The following BTG1 variants were observed in gnomAD, a reference collection of about 807,000 sequenced individuals.
BTG1 encodes protein BTG1.
In BTG1, 2 loss-of-function variants were observed where a neutral mutation model predicts 15.2. The observed-to-expected ratio is 0.13, with a 90% CI of 0.05 to 0.41. BTG1 has a LOEUF of 0.41. BTG1 is among the 10% of genes least tolerant of loss of function. BTG1 has a pLI of 0.99. For missense variants in BTG1, 149 were observed against 215.0 expected, an observed-to-expected ratio of 0.69 and a Z score of 1.92; for synonymous variants, 109 against 82.4, an observed-to-expected ratio of 1.32 and a Z score of -1.75.
chr12:92,144,471 G>C, intron 1 of BTG1, 24 bp from the exon 2 acceptor site: 1 of 1,609,100 alleles, frequency 6.2e-7, no homozygotes, highest in Non-Finnish European at 8.5e-7. Context: ...GAAGAACAGA[G>C]AAACAACGCT....
In BTG1 at chr12:92,140,285, A is replaced by G. The variant is rs1161606873; in HGVS notation, c.*3795T>C. ...ATAAATAACAGTCAGAAGTTGAACT[A>G]CATTTTTTTATTCCTATCTTGGACA... On this transcript the variant is annotated 3_prime_UTR_variant, in exon 2 of 2. Transcript: ENST00000256015. 5.2e-6 allele frequency: 1 copy of G among 192,868 alleles called. No individual in the cohort carries two copies. Among genetic ancestry groups the G allele is most frequent in the South Asian group, 1.9e-4 (1 of 5,176 alleles). 11.9% of individuals were successfully genotyped at this position (192,868 alleles called of 1,614,324 possible). A position where few individuals can be genotyped will look rare whatever the true frequency, so the allele number is the denominator to read the frequency against.
chr12:92,145,343 A>G, intron 1 of BTG1, 45 bp downstream of exon 1: 1 of 1,486,120 alleles, frequency 6.7e-7, no homozygotes, highest in Non-Finnish European at 9.0e-7. Flanking sequence ...ACTCTGACCC[A>G]GGGATGTGGG....
In BTG1 at chr12:92,141,048, T is replaced by C. The variant is rs972646556; in HGVS notation, c.*3032A>G. 5.2e-5 allele frequency: 12 copies of C among 232,708 alleles called. 1 individual carries two copies. In the Admixed American group the frequency reaches 5.6e-4, roughly 11 times the overall value. 14.4% of individuals were successfully genotyped at this position (232,708 alleles called of 1,614,324 possible). On this transcript the variant is annotated 3_prime_UTR_variant, in exon 2 of 2. Transcript: ENST00000256015. ...AAAAGTCACGCAGGGAGAAGTCCAA[T>C]AGTAGATTTATTTGCTCCCAAGATT...
rs1402964173 is a variant in BTG1 at position 92,145,712 on chromosome 12, C to T, written c.-177G>A. 1.1e-5 allele frequency: 4 copies of T among 353,178 alleles called. No individual in the cohort carries two copies. The highest frequency in any genetic ancestry group is 6.4e-5 in the African/African-American group (3 of 47,016). The allele number at this position is 353,178 out of a possible 1,614,324, so 21.9% of individuals were successfully genotyped here. A position where few individuals can be genotyped will look rare whatever the true frequency, so the allele number is the denominator to read the frequency against. On this transcript the variant is annotated 5_prime_UTR_variant, in exon 1 of 2. Transcript: ENST00000256015. ...TAGACTAAAAAAGTTATTTTCGAGACAGGAGGCGGCAGGAGAGAGGAAGAG... is the reference window on the plus strand; with the variant it reads ...TAGACTAAAAAAGTTATTTTCGAGATAGGAGGCGGCAGGAGAGAGGAAGAG...
In BTG1 at chr12:92,144,102, T is replaced by C. The variant is rs757853602; in HGVS notation, c.494A>G (p.Asn165Ser). The change falls in exon 2 of 2, where the codon AAT (asparagine) becomes AGT (serine). Residue 165 changes from asparagine (N) to serine (S), a missense_variant. By Grantham distance (46) the Asn-to-Ser change is conservative. Around this residue, in one of 3 missense-constraint regions of BTG1, gnomAD observed 52 missense variants for 57.4 expected, o/e 0.91. Transcript: ENST00000256015. ...LGRTSPSKNY[N>S]MMTVSG ...ATCTTAACCTGATACAGTCATCATA[T>C]TGTAGTTTTTGGAAGGGCTCGTTCT... 1.2e-6 allele frequency: 2 copies of C among 1,612,814 alleles called. No homozygotes were observed. The highest frequency in any genetic ancestry group is 1.7e-6 in the Non-Finnish European group (2 of 1,179,896).
At position 92,145,683 on chromosome 12, in the gene BTG1, TC is replaced by T; in HGVS notation, c.-149del. The stretch of plus-strand genomic sequence containing the variant: ...GCGGACGACTACTTTTGTCTTTCTT[TC>T]TTTAGACTAAAAAAGTTATTTTCGA... On this transcript the variant is annotated 5_prime_UTR_variant, in exon 1 of 2. It removes the in-frame stop codon of an upstream open reading frame in the 5' UTR. Transcript: ENST00000256015. The T allele has an allele frequency of 2.1e-6, 1 of 471,560 alleles. No homozygotes were observed. Among genetic ancestry groups the T allele is most frequent in the Non-Finnish European group, 3.4e-6 (1 of 294,632 alleles). 29.2% of individuals were successfully genotyped at this position (471,560 alleles called of 1,614,324 possible). A position where few individuals can be genotyped will look rare whatever the true frequency, so the allele number is the denominator to read the frequency against.
rs908680602 is a variant in BTG1 at position 92,144,408 on chromosome 12, T to C, written c.188A>G (p.Lys63Arg). The change falls in exon 2 of 2, where the codon AAG becomes AGG. Residue 63 changes from lysine to arginine, a missense_variant. Physicochemically the swap from Lys to Arg is conservative, Grantham distance 26. Transcript: ENST00000256015. The stretch of plus-strand genomic sequence containing the variant: ...GCGAATACAACGGTAACCCGATCCC[T>C]TGCATGGCTTTTCTGGGAACCAGTG... ...KHHWFPEKPC[K>R]GSGYRCIRIN... is the part of the protein sequence containing the mutation. 16 of 1,614,156 alleles carry C rather than the reference T, an allele frequency of 9.9e-6. No homozygotes were observed. Among genetic ancestry groups the C allele is most frequent in the Non-Finnish European group, 1.4e-5 (16 of 1,180,016 alleles).
chr12:92,145,772 C>T lies in BTG1; in HGVS notation c.-237G>A. 1 of 285,690 alleles carries T rather than the reference C, an allele frequency of 3.5e-6. No individual in the cohort carries two copies. Among genetic ancestry groups the T allele is most frequent in the Non-Finnish European group, 6.5e-6 (1 of 154,408 alleles). 17.7% of individuals were successfully genotyped at this position (285,690 alleles called of 1,614,324 possible). On this transcript the variant is annotated 5_prime_UTR_variant, in exon 1 of 2. Coordinates refer to ENST00000256015, the MANE Select transcript of BTG1 (RefSeq NM_001731.3). ...GGCGGCCTGGTCACATCGCTCGGAC[C>T]TCCCCAGCTGCCTCCGCCTCCAGCT... is the stretch of plus-strand genomic sequence containing the variant.
intron 1 of BTG1, chr12:92,145,109 C>A: frequency 3.4e-6 from 1 of 292,864 alleles, no homozygotes; most frequent in Admixed American, 5.6e-5. Context: ...GTCCTCGGAC[C>A]GCAGCTCCCG....
In BTG1 at chr12:92,145,491, G is replaced by C; in HGVS notation, c.45C>G (p.Ile15Met). 6.3e-7 allele frequency: 1 copy of C among 1,586,514 alleles called. No individual in the cohort carries two copies. The highest frequency in any genetic ancestry group is 8.6e-7 in the Non-Finnish European group (1 of 1,168,082). ...YTRAATMIGE[I>M]AAAVSFISKF... ...TGGAGATGAAGGACACGGCGGCGGC[G>C]ATCTCGCCTATCATGGTGGCGGCCC... The change falls in exon 1 of 2, where the codon ATC becomes ATG. Residue 15 changes from isoleucine to methionine, a missense_variant. By Grantham distance (10) the Ile-to-Met change is conservative. Transcript: ENST00000256015.
rs1016007451 is a variant in BTG1 at position 92,145,056 on chromosome 12, C to G, written c.148+332G>C. On this transcript the variant is annotated intron_variant, in intron 1 of 1. Coordinates refer to ENST00000256015, the MANE Select transcript of BTG1 (RefSeq NM_001731.3). Reference sequence around the variant, plus strand: ...GGGCTGAGGAAAGGGGACGTCGAACCCACCCCAGCCCCACGGCTCCTTTGT... The same window carrying G: ...GGGCTGAGGAAAGGGGACGTCGAACGCACCCCAGCCCCACGGCTCCTTTGT... The G allele has an allele frequency of 3.9e-4, 80 of 203,432 alleles. No homozygotes were observed. In the Admixed American group the frequency reaches 4.3e-3, roughly 11 times the overall value. 12.6% of individuals were successfully genotyped at this position (203,432 alleles called of 1,614,324 possible).
In BTG1 at chr12:92,143,664, T is replaced by C. The variant is rs1434550157; in HGVS notation, c.*416A>G. 1.2e-5 allele frequency: 3 copies of C among 258,726 alleles called. No individual in the cohort carries two copies. Among genetic ancestry groups the C allele is most frequent in the Non-Finnish European group, 2.2e-5 (3 of 134,758 alleles). The allele number at this position is 258,726 out of a possible 1,614,324, so 16.0% of individuals were successfully genotyped here. On this transcript the variant is annotated 3_prime_UTR_variant, in exon 2 of 2. Transcript: ENST00000256015. ...ATGTTTAAAACGTTTAACTTTCCTA[T>C]TAAAAGCTGCCGAAAAGGTTAACAA...
In BTG1 at chr12:92,143,985, G is replaced by GT. The variant is rs1245309675; in HGVS notation, c.*94dup. ...GCCAGATCTTCACAGCTGTGACATGGTTTAAATTCCATAATCCATCCCCAA... is the reference window on the plus strand; with the variant it reads ...GCCAGATCTTCACAGCTGTGACATGGTTTTAAATTCCATAATCCATCCCCAA... On this transcript the variant is annotated 3_prime_UTR_variant, in exon 2 of 2. Coordinates refer to ENST00000256015, the MANE Select transcript of BTG1 (RefSeq NM_001731.3). The GT allele has an allele frequency of 6.7e-7, 1 of 1,487,386 alleles. No homozygotes were observed. Among genetic ancestry groups the GT allele is most frequent in the East Asian group, 2.3e-5 (1 of 44,194 alleles). The allele number at this position is 1,487,386 out of a possible 1,614,324, so 92.1% of individuals were successfully genotyped here. A position where few individuals can be genotyped will look rare whatever the true frequency, so the allele number is the denominator to read the frequency against.
chr12:92,145,703 T>C lies in BTG1; in HGVS notation c.-168A>G, dbSNP rs1306306229. On this transcript the variant is annotated 5_prime_UTR_variant, in exon 1 of 2. Coordinates refer to ENST00000256015, the MANE Select transcript of BTG1 (RefSeq NM_001731.3). ...TTCTTTCTTTAGACTAAAAAAGTTA[T>C]TTTCGAGACAGGAGGCGGCAGGAGA... The C allele has an allele frequency of 5.0e-6, 2 of 398,046 alleles. No individual in the cohort carries two copies. Among genetic ancestry groups the C allele is most frequent in the Non-Finnish European group, 8.3e-6 (2 of 239,742 alleles). The allele number at this position is 398,046 out of a possible 1,614,324, so 24.7% of individuals were successfully genotyped here.
chr12:92,145,824 T>G lies in BTG1; in HGVS notation c.-289A>C, dbSNP rs995433543. The G allele has an allele frequency of 3.3e-5, 8 of 244,856 alleles. No individual in the cohort carries two copies. Among genetic ancestry groups the G allele is most frequent in the African/African-American group, 1.6e-4 (7 of 45,150 alleles). The allele number at this position is 244,856 out of a possible 1,614,324, so 15.2% of individuals were successfully genotyped here. ...CGCAGCATTCGAAGATCTCAATAGCTGCATTTCCAGCTCCGAGAGGCGAAG... is the reference window on the plus strand; with the variant it reads ...CGCAGCATTCGAAGATCTCAATAGCGGCATTTCCAGCTCCGAGAGGCGAAG... On this transcript the variant is annotated 5_prime_UTR_variant, in exon 1 of 2. Transcript: ENST00000256015.
chr12:92,145,255 C>G (rs562271698), intron 1 of BTG1, 133 bp downstream of exon 1: 1 of 1,286,872 alleles, frequency 7.8e-7, no homozygotes, highest in African/African-American at 1.6e-5. Context: ...CCCAGCGCAA[C>G]CACACCGGTC....
Position 92,142,345 on chromosome 12 carries a change from A to G in BTG1, c.*1735T>C, listed in dbSNP as rs532384660. The G allele has an allele frequency of 7.8e-5, 18 of 230,976 alleles. No homozygotes were observed. In the Admixed American group the frequency reaches 8.5e-4, roughly 11 times the overall value. The allele number at this position is 230,976 out of a possible 1,614,324, so 14.3% of individuals were successfully genotyped here. On this transcript the variant is annotated 3_prime_UTR_variant, in exon 2 of 2. Coordinates refer to ENST00000256015, the MANE Select transcript of BTG1 (RefSeq NM_001731.3). Reference sequence around the variant, plus strand: ...ATTTCCAGTGTCAACATGTTTACATATATACCAAAAAAAGGCCACTATATG... The same window carrying G: ...ATTTCCAGTGTCAACATGTTTACATGTATACCAAAAAAAGGCCACTATATG...
chr12:92,143,890 A>T lies in BTG1; in HGVS notation c.*190T>A. 1.7e-6 allele frequency: 1 copy of T among 591,382 alleles called. No individual in the cohort carries two copies. The highest frequency in any genetic ancestry group is 2.8e-6 in the Non-Finnish European group (1 of 355,010). 36.6% of individuals were successfully genotyped at this position (591,382 alleles called of 1,614,324 possible). On this transcript the variant is annotated 3_prime_UTR_variant, in exon 2 of 2. Coordinates refer to ENST00000256015, the MANE Select transcript of BTG1 (RefSeq NM_001731.3). ...GACTCACAGGCTATTAAAATTAATC[A>T]TTGAAAGGTACTGTCCAAACTATGG...
chr12:92,143,313 C>CT lies in BTG1; in HGVS notation c.*766dup. ...AATAGATGGTGGTTTGTGGAAAAGA[C>CT]TTTTACCCAATTAAGTACAAGGAAA... is the stretch of plus-strand genomic sequence containing the variant. On this transcript the variant is annotated 3_prime_UTR_variant, in exon 2 of 2. Transcript: ENST00000256015. 1 of 232,980 alleles carries CT rather than the reference C, an allele frequency of 4.3e-6. No individual in the cohort carries two copies. Among genetic ancestry groups the CT allele is most frequent in the Non-Finnish European group, 8.5e-6 (1 of 117,624 alleles). 14.4% of individuals were successfully genotyped at this position (232,980 alleles called of 1,614,324 possible).
Sources: allele counts gnomAD v4.1 joint callset, GRCh38; gene constraint gnomAD v4.1.1; regional missense constraint gnomAD v4.1.1; transcripts MANE v1.5; gene names NCBI Gene and HGNC (gene_info 2026-07-23, HGNC 2026-07-21).